The following C13orf46 variants were observed in gnomAD, a reference collection of about 807,000 sequenced individuals.
C13orf46 encodes the protein uncharacterized protein C13orf46.
At chr13:113,952,493 C>G (rs1165565178), downstream of C13orf46, among the ~76,000 whole-genome samples, 1 of 152,230 alleles carries the variant, frequency 6.6e-6, no homozygotes, top group East Asian at 1.9e-4. Context: ...GCCATCTCCC[C>G]CAGCCTGGGA....
chr13:113,950,655 A>T (rs927016707), downstream of C13orf46, among the ~76,000 whole-genome samples: 13 of 152,220 alleles, frequency 8.5e-5, no homozygotes, highest in African/African-American at 2.4e-4. Flanking sequence ...CTCCCAGCCC[A>T]GACCAGCCCA....
chr13:113,941,628 C>T, the C13orf46 span, among the ~76,000 whole-genome samples: 918 of 152,328 alleles, frequency 6.0e-3, 2 homozygotes, highest in Admixed American at 0.012. Flanking sequence ...CTGTTGACAT[C>T]GTTTCCCAGG....
At chr13:113,939,352 C>G in the C13orf46 span, among the ~76,000 whole-genome samples, 1 of 148,494 alleles carries the variant, frequency 6.7e-6, no homozygotes, top group Non-Finnish European at 1.5e-5. Flanking sequence ...ACAGAGACCA[C>G]CCGATGGGGA....
the C13orf46 span, among the ~76,000 whole-genome samples, chr13:113,929,555 C>A: frequency 6.6e-6 from 1 of 152,246 alleles, no homozygotes; most frequent in Admixed American, 6.5e-5. Context: ...GGCACTTGGG[C>A]CAAGGCTGGA....
rs1277977221 is a variant in C13orf46, at chr13:113,966,099, GTGA to G, written c.505-1108_505-1106del. Among the ~76,000 whole-genome samples the G allele has an allele frequency of 4.4e-3, 543 of 122,088 alleles. 16 individuals carry two copies. The East Asian group carries it at 0.071, about 16-fold the overall frequency. The allele number at this position is 122,088 out of a possible 152,430, so 80.1% of individuals were successfully genotyped here. A position where few individuals can be genotyped will look rare whatever the true frequency, so the allele number is the denominator to read the frequency against. On this transcript the variant is annotated intron_variant, in intron 5 of 6. Coordinates refer to ENST00000636427, the MANE Select transcript of C13orf46 (RefSeq NM_001365455.2). ...TGATGTGATGATGGTATTAATGATGGTGATGATGATGATGGTGATGATGGTGAT... is the reference window on the plus strand; with the variant it reads ...TGATGTGATGATGGTATTAATGATGGTGATGATGATGGTGATGATGGTGAT...
In C13orf46 at chr13:113,958,088, C is replaced by A. The variant is rs1415368235; in HGVS notation, c.573-1249G>T. On this transcript the variant is annotated intron_variant, in intron 6 of 6. Transcript: ENST00000636427. ...GGTCTCCCCTGCACTCTGTATGCACCCCCTTTCATCAAGCACACTGGGGGT... is the reference window on the plus strand; with the variant it reads ...GGTCTCCCCTGCACTCTGTATGCACACCCTTTCATCAAGCACACTGGGGGT... Among the ~76,000 whole-genome samples, 159 of 151,030 alleles carry A rather than the reference C, an allele frequency of 1.1e-3. 3 individuals carry two copies. The highest frequency in any genetic ancestry group is 9.6e-3 in the Admixed American group (146 of 15,186).
chr13:113,971,129 C>T (rs939332116), intron 1 of C13orf46, among the ~76,000 whole-genome samples: 3 of 152,182 alleles, frequency 2.0e-5, no homozygotes, highest in Non-Finnish European at 4.4e-5. Context: ...GGCCTCCAGC[C>T]GCATCGGAGC....
downstream of C13orf46, among the ~76,000 whole-genome samples, chr13:113,950,938 G>A (rs1270894955): frequency 5.9e-5 from 9 of 152,232 alleles, no homozygotes; most frequent in East Asian, 1.9e-4. Context: ...TGGCGCTGGC[G>A]AGGCTTGGGA....
chr13:113,942,113 C>T, the C13orf46 span, among the ~76,000 whole-genome samples: 17 of 152,234 alleles, frequency 1.1e-4, no homozygotes, highest in African/African-American at 2.9e-4. Flanking sequence ...AGCAACAAAA[C>T]GCACAGAGGC....
the C13orf46 span, among the ~76,000 whole-genome samples, chr13:113,935,085 G>A: frequency 5.9e-5 from 9 of 152,350 alleles, no homozygotes; most frequent in East Asian, 1.4e-3. Flanking sequence ...TTTTGCTTCC[G>A]ACGTTACAAG....
At chr13:113,936,080 C>G in the C13orf46 span, among the ~76,000 whole-genome samples, 2 of 152,196 alleles carry the variant, frequency 1.3e-5, no homozygotes, top group Non-Finnish European at 2.9e-5. Context: ...AGTTCAGAGG[C>G]TCAAAGATGG....
chr13:113,965,896 GTGA>G (rs1277993571), intron 5 of C13orf46, among the ~76,000 whole-genome samples: 1 of 146,476 alleles, frequency 6.8e-6, no homozygotes, highest in Non-Finnish European at 1.5e-5. Flanking sequence ...AATGGTGATG[GTGA>G]TGATGGCGAT....
At chr13:113,973,114 G>A (rs1334783610) in intron 1 of C13orf46, among the ~76,000 whole-genome samples, 1 of 152,232 alleles carries the variant, frequency 6.6e-6, no homozygotes, top group East Asian at 1.9e-4. Context: ...GGAGGAGTAA[G>A]GCTGGGAATG....
chr13:113,958,512 T>C (rs1476027662), intron 6 of C13orf46, among the ~76,000 whole-genome samples: 2 of 152,204 alleles, frequency 1.3e-5, no homozygotes, highest in African/African-American at 4.8e-5. Flanking sequence ...TCTGCCGCGG[T>C]TCGTGATTAC....
At chr13:113,947,595 G>C in the C13orf46 span, among the ~76,000 whole-genome samples, 1 of 152,122 alleles carries the variant, frequency 6.6e-6, no homozygotes, top group African/African-American at 2.4e-5. Flanking sequence ...TGGCATCACA[G>C]TGGGTGGAGC....
At chr13:113,932,746 T>C in the C13orf46 span, among the ~76,000 whole-genome samples, 2 of 152,372 alleles carry the variant, frequency 1.3e-5, no homozygotes, top group South Asian at 4.1e-4. Flanking sequence ...TTTCATGTAG[T>C]TTGAACTTTT....
chr13:113,940,389 G>A, the C13orf46 span, among the ~76,000 whole-genome samples: 1 of 152,262 alleles, frequency 6.6e-6, no homozygotes, highest in Non-Finnish European at 1.5e-5. Flanking sequence ...GTGCCACCCA[G>A]ACAGAAGACG....
At position 113,973,820 on chromosome 13, in the gene C13orf46, G is replaced by A. The variant is rs991833768; in HGVS notation, c.178C>T (p.His60Tyr). 3.3e-5 allele frequency: 5 copies of A among 152,314 alleles called. No individual in the cohort carries two copies. The highest frequency in any genetic ancestry group is 5.9e-5 in the Non-Finnish European group (4 of 68,076). 9.4% of individuals were successfully genotyped at this position (152,314 alleles called of 1,614,324 possible). A position where few individuals can be genotyped will look rare whatever the true frequency, so the allele number is the denominator to read the frequency against. The change falls in exon 1 of 7, where the codon CAC becomes TAC. Residue 60 changes from histidine to tyrosine, a missense_variant. Transcript: ENST00000636427. ...CCACAGCCCCTACCCAGCTCCTTGT[G>A]AGGCTTCCTAGGGCGGCTGGGAGGG... Reference protein sequence around the residue: ...GDPPSRPRKPHKELESEDQGK... With the variant: ...GDPPSRPRKPYKELESEDQGK...
At chr13:113,935,221 C>A in the C13orf46 span, among the ~76,000 whole-genome samples, 135 of 152,320 alleles carry the variant, frequency 8.9e-4, no homozygotes, top group Admixed American at 4.2e-3. Context: ...TTGGTCCCTG[C>A]GGCTGTGGCA....
Sources: allele counts gnomAD v4.1 joint callset (sites outside exome capture counted in the v4.1 genomes callset), GRCh38; gene constraint gnomAD v4.1.1; transcripts MANE v1.5; gene names NCBI Gene and HGNC (gene_info 2026-07-23, HGNC 2026-07-21).